MAF: variants seen among roughly 807,000 people sequenced by gnomAD.
MAF encodes the protein transcription factor Maf.
MAF carries 10 observed loss-of-function variants against 22.0 expected under a neutral mutation model. That is an observed-to-expected ratio of 0.45 (90% CI 0.28 to 0.77). The LOEUF (loss-of-function observed/expected upper bound fraction) is 0.77, where lower values mean the gene tolerates loss of function less well. Among genes scored for constraint, MAF ranks in the 30% least tolerant of loss-of-function variants. MAF has a pLI of 0.12. For missense variants in MAF, 544 were observed against 548.4 expected (o/e 0.99, Z 0.08); for synonymous variants, 337 against 255.8 (o/e 1.32, Z -3.03).
the MAF span, among the ~76,000 whole-genome samples, chr16:79,543,663 CTCTTT>C: frequency 6.6e-6 from 1 of 151,458 alleles, no homozygotes; most frequent in Non-Finnish European, 1.5e-5. Flanking sequence ...TTTCCAGGCC[CTCTTT>C]TCTTTTTCTT....
the MAF span, among the ~76,000 whole-genome samples, chr16:79,394,834 G>T: frequency 2.6e-5 from 4 of 152,048 alleles, no homozygotes; most frequent in African/African-American, 9.7e-5. Flanking sequence ...GCTGAGTTTG[G>T]GAACCACTGT....
At chr16:79,596,139 G>A in intron 1 of MAF, 1 of 1,062,666 alleles carries the variant, frequency 9.4e-7, no homozygotes, top group Admixed American at 5.4e-5. Context: ...GTCTATGGAT[G>A]GCTTTGCTCC....
the MAF span, among the ~76,000 whole-genome samples, chr16:79,413,972 G>C: frequency 0.97 from 148,230 of 152,312 alleles, 72,238 homozygotes; most frequent in East Asian, 1. Context: ...GAGTTCAGAT[G>C]CTGGCTCCAT....
chr16:79,452,655 T>C, the MAF span, among the ~76,000 whole-genome samples: 8 of 152,292 alleles, frequency 5.3e-5, no homozygotes, highest in East Asian at 1.4e-3. Flanking sequence ...TTGCTTCTAT[T>C]TGGGCACCTA....
downstream of MAF, among the ~76,000 whole-genome samples, chr16:79,591,206 T>A (rs2143734162): frequency 6.6e-6 from 1 of 152,308 alleles, no homozygotes; most frequent in East Asian, 1.9e-4. Context: ...GTAATCAGAA[T>A]ATTTAGAATA....
chr16:79,503,546 A>G, the MAF span, among the ~76,000 whole-genome samples: 1 of 152,184 alleles, frequency 6.6e-6, no homozygotes, highest in Non-Finnish European at 1.5e-5. Context: ...ATCAATGATC[A>G]TACTGCCTTC....
the MAF span, among the ~76,000 whole-genome samples, chr16:79,503,594 T>C: frequency 5.3e-5 from 8 of 152,230 alleles, no homozygotes; most frequent in African/African-American, 1.9e-4. Context: ...GTGGCTGGAT[T>C]CTCTGACTCT....
At chr16:79,304,357 A>T in the MAF span, among the ~76,000 whole-genome samples, 1 of 152,198 alleles carries the variant, frequency 6.6e-6, no homozygotes, top group Non-Finnish European at 1.5e-5. Flanking sequence ...ACACTGGGTG[A>T]TACTGTATCG....
At chr16:79,575,205 C>G in the MAF span, among the ~76,000 whole-genome samples, 1 of 152,040 alleles carries the variant, frequency 6.6e-6, no homozygotes, top group African/African-American at 2.4e-5. Context: ...ACATGAATCT[C>G]AGTACAAGTT....
At chr16:79,462,474 C>A in the MAF span, among the ~76,000 whole-genome samples, 1 of 152,100 alleles carries the variant, frequency 6.6e-6, no homozygotes, top group Admixed American at 6.5e-5. Flanking sequence ...CTTCTTACCC[C>A]ACCTAACAAT....
At chr16:79,287,588 T>C in the MAF span, among the ~76,000 whole-genome samples, 1 of 152,204 alleles carries the variant, frequency 6.6e-6, no homozygotes, top group Non-Finnish European at 1.5e-5. Context: ...GGAAATCAGA[T>C]GTTATTTTTT....
chr16:79,229,197 G>A, the MAF span: 1 of 151,844 alleles, frequency 6.6e-6, no homozygotes, highest in South Asian at 2.1e-4. Context: ...GCCACAGCCG[G>A]AATTTAGTAA....
At chr16:79,269,136 G>A in the MAF span, among the ~76,000 whole-genome samples, 2 of 152,104 alleles carry the variant, frequency 1.3e-5, no homozygotes, top group Admixed American at 1.3e-4. Flanking sequence ...AATGCTTATT[G>A]AACTGTTTAC....
At chr16:79,213,558 G>C in the MAF span, among the ~76,000 whole-genome samples, 35 of 152,348 alleles carry the variant, frequency 2.3e-4, no homozygotes, top group East Asian at 6.8e-3. Context: ...TTTGGAAAGT[G>C]CTTTGCACTG....
chr16:79,314,866 C>G, the MAF span, among the ~76,000 whole-genome samples: 2 of 152,184 alleles, frequency 1.3e-5, no homozygotes, highest in African/African-American at 4.8e-5. Context: ...CTCAGGGAAA[C>G]TCAGAGCAAG....
Position 79,594,271 on chromosome 16 carries a change from C to A in MAF, c.*189G>T. ...AATCGAAAAGCAGGAGTGCGCTTTCCTACCGGTCTCTATGAAACCCCCAGA... is the reference window on the plus strand; with the variant it reads ...AATCGAAAAGCAGGAGTGCGCTTTCATACCGGTCTCTATGAAACCCCCAGA... On this transcript the variant is annotated 3_prime_UTR_variant, in exon 2 of 2. Transcript: ENST00000326043. 1 of 611,762 alleles carries A rather than the reference C, an allele frequency of 1.6e-6. No individual in the cohort carries two copies. Among genetic ancestry groups the A allele is most frequent in the South Asian group, 2.0e-5 (1 of 50,706 alleles). 37.9% of individuals were successfully genotyped at this position (611,762 alleles called of 1,614,324 possible).
At chr16:79,227,112 A>G in the MAF span, among the ~76,000 whole-genome samples, 389 of 152,230 alleles carry the variant, frequency 2.6e-3, 13 homozygotes, top group East Asian at 0.043. Context: ...CTAAGGCAGC[A>G]GGATCCTTTC....
the MAF span, among the ~76,000 whole-genome samples, chr16:79,233,902 G>T: frequency 6.6e-6 from 1 of 150,802 alleles, no homozygotes; most frequent in Non-Finnish European, 1.5e-5. Flanking sequence ...TGAGGCAGAA[G>T]AATCCCTTGA....
At position 79,599,545 on chromosome 16, in the gene MAF, T is replaced by C; in HGVS notation, c.358A>G (p.Asn120Asp). 1 of 1,570,142 alleles carries C rather than the reference T, an allele frequency of 6.4e-7. No individual in the cohort carries two copies. The highest frequency in any genetic ancestry group is 8.6e-7 in the Non-Finnish European group (1 of 1,158,190). The change falls in exon 1 of 2, where the codon AAC (asparagine) becomes GAC (aspartate). Residue 120 changes from asparagine to aspartate, a missense_variant. Coordinates refer to ENST00000326043, the MANE Select transcript of MAF (RefSeq NM_005360.5). ...AAGCCGCCCTGGAGCTGGTGGCTGT[T>C]GCTGATGAGCGCCTCGACCGCGTCC... ...PEDAVEALIS[N>D]SHQLQGGFDG...
Sources: allele counts gnomAD v4.1 joint callset (sites outside exome capture counted in the v4.1 genomes callset), GRCh38; gene constraint gnomAD v4.1.1; transcripts MANE v1.5; gene names NCBI Gene and HGNC (gene_info 2026-07-23, HGNC 2026-07-21).